The following ELP6 variants were observed in gnomAD, a reference collection of about 807,000 sequenced individuals.
ELP6 encodes elongator complex protein 6.
In ELP6, 23 loss-of-function variants were observed where a neutral mutation model predicts 28.1. That is an observed-to-expected ratio of 0.82 (90% confidence interval 0.59 to 1.16). ELP6 has a LOEUF of 1.16. Ranked by LOEUF, ELP6 falls within the 50% of genes most tolerant of loss-of-function variation. The pLI is 0.00. For synonymous variants in ELP6, 132 were observed against 135.8 expected (o/e 0.97, Z 0.19); for missense variants, 313 against 334.6 (o/e 0.94, Z 0.50).
At chr3:47,504,159 C>T in intron 4 of ELP6, 171 bp downstream of exon 4, 1 of 787,838 alleles carries the variant, frequency 1.3e-6, no homozygotes, top group South Asian at 2.1e-5. Context: ...CACCCTCAGC[C>T]CCATGATAAG....
At chr3:47,497,521 G>C (rs971955888) in intron 6 of ELP6, among the ~76,000 whole-genome samples, 6 of 151,884 alleles carry the variant, frequency 4.0e-5, no homozygotes, top group Non-Finnish European at 8.8e-5. Context: ...ATTTCTATTA[G>C]AGATGGGATT....
Position 47,495,755 on chromosome 3 carries a change from G to A in ELP6, c.*314C>T, listed in dbSNP as rs1708463123. ...ATCTATACCCACTCTGGCTCTGAAAGGCTTGTCAACCAAAAATGGGCAGCT... is the reference window on the plus strand; with the variant it reads ...ATCTATACCCACTCTGGCTCTGAAAAGCTTGTCAACCAAAAATGGGCAGCT... On this transcript the variant is annotated 3_prime_UTR_variant, in exon 7 of 7. Coordinates refer to ENST00000296149, the MANE Select transcript of ELP6 (RefSeq NM_001031703.3). 3 of 313,418 alleles carry A rather than the reference G, an allele frequency of 9.6e-6. No individual in the cohort carries two copies. Among genetic ancestry groups the A allele is most frequent in the Non-Finnish European group, 1.8e-5 (3 of 168,390 alleles). The allele number at this position is 313,418 out of a possible 1,614,324, so 19.4% of individuals were successfully genotyped here.
chr3:47,498,069 C>A, intron 6 of ELP6: 1 of 1,402,676 alleles, frequency 7.1e-7, no homozygotes. Context: ...CCACTTTGGT[C>A]ACAAATGGGA....
intron 3 of ELP6, among the ~76,000 whole-genome samples, chr3:47,507,572 G>A (rs1211420384): frequency 6.7e-6 from 1 of 149,818 alleles, no homozygotes; most frequent in Non-Finnish European, 1.5e-5. Context: ...GAGGCAGGAG[G>A]ATCCCTTGAG....
rs768067320 is a variant in ELP6 at position 47,511,135 on chromosome 3, A to G, written c.133+13T>C. 4 of 1,610,716 alleles carry G rather than the reference A, an allele frequency of 2.5e-6. No homozygotes were observed. The highest frequency in any genetic ancestry group is 1.7e-5 in the Admixed American group (1 of 59,696). On this transcript the variant is annotated intron_variant, in intron 2 of 6. Transcript: ENST00000296149. Reference sequence around the variant, plus strand: ...CTTGGGTTTCTTTTCTACAGCATCAATGAGTCCCATACCTTTGAGATAGAA... The same window carrying G: ...CTTGGGTTTCTTTTCTACAGCATCAGTGAGTCCCATACCTTTGAGATAGAA...
intron 3 of ELP6, among the ~76,000 whole-genome samples, chr3:47,507,217 CG>C (rs1396112234): frequency 2.6e-5 from 4 of 151,766 alleles, no homozygotes; most frequent in Non-Finnish European, 4.4e-5. Context: ...CAAAATTAGC[CG>C]GGTATGGTGG....
rs1709033749 is a variant in ELP6, at chr3:47,512,157, G to A, written c.55-931C>T. 5.2e-6 allele frequency: 4 copies of A among 768,804 alleles called. No individual in the cohort carries two copies. In the African/African-American group the frequency reaches 5.7e-5, roughly 11 times the overall value. The allele number at this position is 768,804 out of a possible 1,614,324, so 47.6% of individuals were successfully genotyped here. On this transcript the variant is annotated intron_variant, in intron 1 of 6. Coordinates refer to ENST00000296149, the MANE Select transcript of ELP6 (RefSeq NM_001031703.3). ...GATCTACTGAAAGCTACAATTTGGC[G>A]CTATGGGGTCATAAAAAGGCTTTAG...
At chr3:47,500,871 C>G (rs559525142) in intron 5 of ELP6, among the ~76,000 whole-genome samples, 36 of 152,308 alleles carry the variant, frequency 2.4e-4, no homozygotes, top group African/African-American at 8.2e-4. Context: ...TTGCTCTGTA[C>G]GCTCAGTCTG....
At chr3:47,509,390 A>C (rs1045424318) in intron 3 of ELP6, among the ~76,000 whole-genome samples, 6 of 152,216 alleles carry the variant, frequency 3.9e-5, no homozygotes, top group African/African-American at 1.4e-4. Context: ...AAGTCCACCT[A>C]GTAACAGGTA....
intron 5 of ELP6, among the ~76,000 whole-genome samples, chr3:47,499,308 G>T (rs1708569890): frequency 6.6e-6 from 1 of 152,246 alleles, no homozygotes; most frequent in African/African-American, 2.4e-5. Flanking sequence ...CCTGAGGTCA[G>T]GAGATCAAGA....
At chr3:47,497,489 A>G (rs1708512261) in intron 6 of ELP6, 1 of 249,952 alleles carries the variant, frequency 4.0e-6, no homozygotes, top group African/African-American at 2.3e-5. Context: ...GGCCCACACC[A>G]CCATGCCTGG....
At chr3:47,506,769 A>G (rs1708850173) in intron 3 of ELP6, among the ~76,000 whole-genome samples, 1 of 152,182 alleles carries the variant, frequency 6.6e-6, no homozygotes, top group Non-Finnish European at 1.5e-5. Context: ...GGTGACATAC[A>G]TCCTCCTCGG....
chr3:47,511,805 G>A (rs927795947), intron 1 of ELP6: 6 of 988,984 alleles, frequency 6.1e-6, no homozygotes, highest in Non-Finnish European at 4.8e-6. Context: ...TCTCTGCAGA[G>A]CCTGACTGTC....
intron 3 of ELP6, among the ~76,000 whole-genome samples, chr3:47,506,950 C>T (rs150686815): frequency 8.6e-5 from 13 of 151,988 alleles, no homozygotes; most frequent in African/African-American, 3.1e-4. Flanking sequence ...CAACATGCCT[C>T]GGCCTCCAAA....
Position 47,504,360 on chromosome 3 carries a change from T to G in ELP6, c.293A>C (p.Gln98Pro). ...KSAVDVVFQA[Q>P]KEPHPLQFLR... ...AAACTGCAGGGGGTGTGGCTCCTTT[T>G]GAGCCTGGAAGACGACGTCCACTGC... Residue 98 changes from glutamine to proline, a missense_variant, in exon 4 of 7, where the codon CAA becomes CCA. Coordinates refer to ENST00000296149, the MANE Select transcript of ELP6 (RefSeq NM_001031703.3). 1 of 1,610,870 alleles carries G rather than the reference T, an allele frequency of 6.2e-7. No individual in the cohort carries two copies. The highest frequency in any genetic ancestry group is 8.5e-7 in the Non-Finnish European group (1 of 1,178,274).
intron 2 of ELP6, 88 bp downstream of exon 2, chr3:47,511,060 C>T (rs935684728): frequency 6.2e-5 from 70 of 1,125,114 alleles, no homozygotes; most frequent in Non-Finnish European, 8.2e-5. Context: ...CTTGTAAATG[C>T]TGTTATTGCT....
intron 5 of ELP6, among the ~76,000 whole-genome samples, chr3:47,499,338 G>T (rs990960558): frequency 6.6e-6 from 1 of 152,088 alleles, no homozygotes; most frequent in African/African-American, 2.4e-5. Flanking sequence ...CCAACATGGT[G>T]AAACCCCGTC....
intron 6 of ELP6, chr3:47,497,339 T>C (rs1708507425): frequency 1.0e-6 from 1 of 984,982 alleles, no homozygotes; most frequent in South Asian, 4.7e-5. Flanking sequence ...AAGTCGTTTT[T>C]CTTTTTTCTT....
chr3:47,513,561 G>A lies in ELP6; in HGVS notation c.30C>T (p.Asn10=), dbSNP rs764526963. ...CCTGCTCCGCCCTGTCGGGGGTGGT[G>A]TTAAGCAGGTTATTAAGTTCCACGA... is the stretch of plus-strand genomic sequence containing the variant. MFVELNNLL[N]TTPDRAEQGK... is the part of the protein sequence containing the mutation. Residue 10 remains asparagine, a synonymous_variant, in exon 1 of 7, where the codon AAC becomes AAT. Coordinates refer to ENST00000296149, the MANE Select transcript of ELP6 (RefSeq NM_001031703.3). 1 of 1,613,244 alleles carries A rather than the reference G, an allele frequency of 6.2e-7. No homozygotes were observed. Among genetic ancestry groups the A allele is most frequent in the Admixed American group, 1.7e-5 (1 of 59,902 alleles).
Sources: gnomAD v4.1 joint callset for allele counts (sites outside exome capture counted in the v4.1 genomes callset) on GRCh38, gnomAD v4.1.1 for gene constraint, MANE v1.5 for transcripts, NCBI Gene and HGNC (gene_info 2026-07-23, HGNC 2026-07-21) for gene names.